Variants in CHST9 observed in about 807,000 individuals in gnomAD.
CHST9 encodes the protein carbohydrate sulfotransferase 9.
CHST9 carries 41 observed loss-of-function variants against 44.4 expected under a neutral mutation model. That is an observed-to-expected ratio of 0.92 (90% confidence interval 0.72 to 1.20). The LOEUF is 1.20. Ranked by LOEUF, CHST9 falls within the 50% of genes most tolerant of loss-of-function variation. CHST9 has a pLI of 0.00. For synonymous variants in CHST9, 171 were observed against 178.4 expected (o/e 0.96, Z 0.33); for missense variants, 504 against 516.5 (o/e 0.98, Z 0.23).
intron 2 of CHST9, among the ~76,000 whole-genome samples, chr18:27,124,883 G>A (rs1329971322): frequency 2.0e-5 from 3 of 152,156 alleles, no homozygotes; most frequent in Admixed American, 2.0e-4. Context: ...ATTGTTTACA[G>A]TATATTTCTG....
At chr18:27,112,750 C>CA (rs1279111529) in intron 2 of CHST9, among the ~76,000 whole-genome samples, 9 of 149,488 alleles carry the variant, frequency 6.0e-5, no homozygotes, top group Non-Finnish European at 1.2e-4. Context: ...AGTCAAGAAG[C>CA]AAAAAAAATA....
chr18:27,057,646 C>T (rs970305138), intron 2 of CHST9, among the ~76,000 whole-genome samples: 2 of 152,216 alleles, frequency 1.3e-5, no homozygotes, highest in African/African-American at 4.8e-5. Flanking sequence ...TACTGAGATA[C>T]AAAAACTGGC....
chr18:27,175,389 G>A (rs956718601), intron 1 of CHST9, among the ~76,000 whole-genome samples: 1 of 151,946 alleles, frequency 6.6e-6, no homozygotes, highest in Non-Finnish European at 1.5e-5. Flanking sequence ...AATTATCAAG[G>A]GATTCCACAT....
At chr18:26,931,866 T>A (rs1381621094) in intron 5 of CHST9, among the ~76,000 whole-genome samples, 2 of 152,156 alleles carry the variant, frequency 1.3e-5, no homozygotes, top group Non-Finnish European at 2.9e-5. Context: ...TACTCAGCAT[T>A]TTATAATGGG....
chr18:26,992,954 AT>A (rs2056841667), intron 4 of CHST9, among the ~76,000 whole-genome samples: 1 of 152,118 alleles, frequency 6.6e-6, no homozygotes, highest in Non-Finnish European at 1.5e-5. Context: ...TGAAGTTTTC[AT>A]TTCCTTATAA....
intron 4 of CHST9, among the ~76,000 whole-genome samples, chr18:27,018,656 T>TA (rs1568135197): frequency 6.6e-6 from 1 of 152,106 alleles, no homozygotes; most frequent in Non-Finnish European, 1.5e-5. Context: ...TGCTGAATTT[T>TA]AAAAAATATC....
At chr18:26,932,413 G>A (rs1462484231) in intron 5 of CHST9, among the ~76,000 whole-genome samples, 5 of 152,058 alleles carry the variant, frequency 3.3e-5, no homozygotes, top group Admixed American at 6.6e-5. Context: ...TGGTTATGGA[G>A]TAATAATATC....
At chr18:27,000,587 T>C (rs1049040742) in intron 4 of CHST9, among the ~76,000 whole-genome samples, 6 of 152,138 alleles carry the variant, frequency 3.9e-5, no homozygotes, top group African/African-American at 1.4e-4. Context: ...CCTTTTTCAT[T>C]GTACAGCACT....
rs184362639 is a variant in CHST9 at position 27,016,436 on chromosome 18, T to C, written c.202+7680A>G. Among the ~76,000 whole-genome samples, 92 of 152,348 alleles carry C rather than the reference T, an allele frequency of 6.0e-4. 1 individual carries two copies. The highest frequency in any genetic ancestry group is 2.1e-3 in the African/African-American group (87 of 41,584). ...CCCTTGATCCAAGTCTGTGATTAGA[T>C]GCCACCTGCACAGGCAGGCCCCTGT... On this transcript the variant is annotated intron_variant, in intron 4 of 5. Transcript: ENST00000618847.
chr18:27,100,565 G>T (rs2058161305), intron 2 of CHST9, among the ~76,000 whole-genome samples: 1 of 152,176 alleles, frequency 6.6e-6, no homozygotes, highest in African/African-American at 2.4e-5. Context: ...AGAGGACAGT[G>T]CAAAAATTCC....
chr18:26,975,725 G>GTGTATATA (rs1383045273), intron 4 of CHST9, among the ~76,000 whole-genome samples: 129 of 101,792 alleles, frequency 1.3e-3, no homozygotes, highest in Middle Eastern at 6.1e-3. Flanking sequence ...GTGTGTGTGT[G>GTGTATATA]TATATATATA....
At position 26,917,109 on chromosome 18, in the gene CHST9, C is replaced by A. The variant is rs2055545782; in HGVS notation, c.482G>T (p.Ser161Ile). ...CTTCCATTTATTATCTTTGACTAAA[C>A]TTTTGTTTAAAGGGTGAATGTCCAC... ...WPVDIHPLNK[S>I]LVKDNKWKKT... The change falls in exon 6 of 6, where the codon AGT becomes ATT. Residue 161 changes from serine (S) to isoleucine (I), a missense_variant. Ser to Ile is a moderately radical substitution (Grantham distance 142). Coordinates refer to ENST00000618847, the MANE Select transcript of CHST9 (RefSeq NM_031422.6). 1 of 1,613,878 alleles carries A rather than the reference C, an allele frequency of 6.2e-7. No individual in the cohort carries two copies. The highest frequency in any genetic ancestry group is 1.3e-5 in the African/African-American group (1 of 75,004).
intron 2 of CHST9, among the ~76,000 whole-genome samples, chr18:27,098,128 C>T (rs2058135271): frequency 6.6e-6 from 1 of 151,410 alleles, no homozygotes; most frequent in Non-Finnish European, 1.5e-5. Context: ...AAAGCAAACC[C>T]ATCAAAAAGT....
chr18:27,108,173 ACT>A (rs2058238532), intron 2 of CHST9, among the ~76,000 whole-genome samples: 1 of 151,556 alleles, frequency 6.6e-6, no homozygotes, highest in African/African-American at 2.4e-5. Flanking sequence ...GGCCTGCATG[ACT>A]CTTGTAATCA....
chr18:26,910,367 C>A lies in CHST9; in HGVS notation c.*5892G>T, dbSNP rs1281857961. 1 of 152,186 alleles carries A rather than the reference C, an allele frequency of 6.6e-6. No individual in the cohort carries two copies. The allele number at this position is 152,186 out of a possible 1,614,324, so 9.4% of individuals were successfully genotyped here. The stretch of plus-strand genomic sequence containing the variant: ...CACAAATAGGGTCAAGGATAATGTT[C>A]AGGAGTTGATTTCCTTTGGAAGCTT... On this transcript the variant is annotated 3_prime_UTR_variant, in exon 6 of 6. Transcript: ENST00000618847.
chr18:26,917,319 C>A lies in CHST9; in HGVS notation c.272G>T (p.Arg91Leu). The stretch of plus-strand genomic sequence containing the variant: ...GAGTAGAAGATTTTCCTTTTTTTCT[C>A]GTACATCCTCAGGCATGTGAAACTT... ...NPKFHMPEDV[R>L]EKKENLLLNS... The change falls in exon 6 of 6, where the codon CGA becomes CTA. Residue 91 changes from arginine (R) to leucine (L), a missense_variant. Transcript: ENST00000618847. The A allele has an allele frequency of 6.2e-7, 1 of 1,612,202 alleles. No individual in the cohort carries two copies. Among genetic ancestry groups the A allele is most frequent in the Non-Finnish European group, 8.5e-7 (1 of 1,179,368 alleles).
intron 3 of CHST9, among the ~76,000 whole-genome samples, chr18:27,031,896 A>G (rs930399482): frequency 1.3e-5 from 2 of 152,244 alleles, no homozygotes; most frequent in Non-Finnish European, 2.9e-5. Context: ...GCAACGGCAC[A>G]GGCATGAGCA....
chr18:27,045,091 G>A (rs2057484763), intron 3 of CHST9, among the ~76,000 whole-genome samples: 1 of 149,508 alleles, frequency 6.7e-6, no homozygotes, highest in South Asian at 2.1e-4. Context: ...GTAGCTTTTT[G>A]CAAATGATGT....
rs1568088591 is a variant in CHST9, at chr18:26,916,500, T to A, written c.1091A>T (p.Tyr364Phe). ...AGTCTCAAATTTCCCTACAAAATCA[T>A]AGTTGATCAAACACGGATAGCAGAG... is the stretch of plus-strand genomic sequence containing the variant. ...SKLCYPCLINYDFVGKFETLE... is the reference protein window; with the variant it reads ...SKLCYPCLINFDFVGKFETLE... The change falls in exon 6 of 6, where the codon TAT becomes TTT. Residue 364 changes from tyrosine (Y) to phenylalanine (F), a missense_variant. Coordinates refer to ENST00000618847, the MANE Select transcript of CHST9 (RefSeq NM_031422.6). 3 of 1,613,844 alleles carry A rather than the reference T, an allele frequency of 1.9e-6. No homozygotes were observed. The highest frequency in any genetic ancestry group is 2.5e-6 in the Non-Finnish European group (3 of 1,179,758).
Sources: allele counts gnomAD v4.1 joint callset (sites outside exome capture counted in the v4.1 genomes callset), GRCh38; gene constraint gnomAD v4.1.1; transcripts MANE v1.5; gene names NCBI Gene and HGNC (gene_info 2026-07-23, HGNC 2026-07-21).